The following PLXDC2 variants were observed in gnomAD, a reference collection of about 807,000 sequenced individuals.
PLXDC2 encodes plexin domain-containing protein 2.
In PLXDC2, 40 loss-of-function variants were observed where a neutral mutation model predicts 68.9. The ratio of observed to expected loss-of-function variants is 0.58; its 90% CI spans 0.45 to 0.76. PLXDC2 has a LOEUF of 0.76. Ranked by LOEUF, PLXDC2 falls within the 30% of genes least tolerant of loss-of-function variation. The probability of loss-of-function intolerance (pLI) is 0.00; values close to 1 mark genes in which losing one functional copy is unlikely to be tolerated. For synonymous variants in PLXDC2, 243 were observed against 234.2 expected, an observed-to-expected ratio of 1.04 and a Z score of -0.34; for missense variants, 644 against 661.9, an observed-to-expected ratio of 0.97 and a Z score of 0.30.
At chr10:20,132,565 CT>C (rs1833881292) in intron 4 of PLXDC2, among the ~76,000 whole-genome samples, 1 of 151,900 alleles carries the variant, frequency 6.6e-6, no homozygotes, top group South Asian at 2.1e-4. Context: ...ATTTTATGTC[CT>C]TTTGATGAAT....
chr10:19,846,173 A>G (rs144459280), intron 1 of PLXDC2, among the ~76,000 whole-genome samples: 1 of 152,322 alleles, frequency 6.6e-6, no homozygotes, highest in African/African-American at 2.4e-5. Flanking sequence ...CAACCACCCT[A>G]AAGAATAAAT....
chr10:19,882,251 C>A (rs1424919343), intron 1 of PLXDC2, among the ~76,000 whole-genome samples: 2 of 152,162 alleles, frequency 1.3e-5, no homozygotes, highest in African/African-American at 4.8e-5. Flanking sequence ...ATGTTTATTT[C>A]TGCCACTACT....
At chr10:20,244,397 G>A (rs556228813) in intron 12 of PLXDC2, among the ~76,000 whole-genome samples, 16 of 152,288 alleles carry the variant, frequency 1.1e-4, no homozygotes, top group African/African-American at 3.6e-4. Context: ...GTATTACAGT[G>A]GAAAGCATCT....
At chr10:19,850,637 C>T (rs374303969) in intron 1 of PLXDC2, among the ~76,000 whole-genome samples, 26 of 152,280 alleles carry the variant, frequency 1.7e-4, no homozygotes, top group Middle Eastern at 3.4e-3. Flanking sequence ...AAACAACCTG[C>T]ATTTAAATTA....
In PLXDC2 at chr10:20,284,330, T is replaced by TATATATATATATATATATATAC. The variant is rs1484131963; in HGVS notation, c.*4512_*4513insTATATATATATATATATATACA. Reference sequence around the variant, plus strand: ...AAATATACATATATATATATATATATACACACACACACACACACACACAAA... The same window carrying TATATATATATATATATATATAC: ...AAATATACATATATATATATATATATATATATATATATATATATATACACACACACACACACACACACACAAA... On this transcript the variant is annotated 3_prime_UTR_variant, in exon 14 of 14. Coordinates refer to ENST00000377252, the MANE Select transcript of PLXDC2 (RefSeq NM_032812.9). 4.8e-3 allele frequency: 603 copies of TATATATATATATATATATATAC among 126,164 alleles called. 3 individuals are homozygous for TATATATATATATATATATATAC. Among genetic ancestry groups the TATATATATATATATATATATAC allele is most frequent in the Non-Finnish European group, 6.1e-3 (363 of 59,550 alleles). 7.8% of individuals were successfully genotyped at this position (126,164 alleles called of 1,614,324 possible). A position where few individuals can be genotyped will look rare whatever the true frequency, so the allele number is the denominator to read the frequency against.
In PLXDC2 at chr10:19,897,226, TC is replaced by T. The variant is rs371930952; in HGVS notation, c.112+80036del. 2.8e-3 allele frequency among the ~76,000 whole-genome samples: 371 copies of T among 133,642 alleles called. 1 individual carries two copies. The highest frequency in any genetic ancestry group is 0.01 in the African/African-American group (349 of 33,782). 87.7% of individuals were successfully genotyped at this position (133,642 alleles called of 152,430 possible). On this transcript the variant is annotated intron_variant, in intron 1 of 13. Coordinates refer to ENST00000377252, the MANE Select transcript of PLXDC2 (RefSeq NM_032812.9). Reference sequence around the variant, plus strand: ...CCATGTCTCTTCCATGATTCCCTTCTCTTTTTTTTTTTGTTTTTTTTTGTTT... The same window carrying T: ...CCATGTCTCTTCCATGATTCCCTTCTTTTTTTTTTTTGTTTTTTTTTGTTT...
intron 1 of PLXDC2, among the ~76,000 whole-genome samples, chr10:19,942,938 A>C (rs1402981485): frequency 6.6e-6 from 1 of 152,230 alleles, no homozygotes; most frequent in Non-Finnish European, 1.5e-5. Context: ...GCTATTTGTA[A>C]TAACAAGGAG....
Position 20,147,851 on chromosome 10 carries a change from A to G in PLXDC2, c.732A>G (p.Thr244=). The change falls in exon 6 of 14, where the codon ACA becomes ACG. Residue 244 remains threonine (T), a synonymous_variant. Coordinates refer to ENST00000377252, the MANE Select transcript of PLXDC2 (RefSeq NM_032812.9). The part of the protein sequence containing the change: ...LQDNYNLGSF[T]FQATLLMDGR... Reference sequence around the variant, plus strand: ...ATAATTATAACCTGGGAAGCTTCACATTCCAGGCAACCCTGCTCATGGATG... The same window carrying G: ...ATAATTATAACCTGGGAAGCTTCACGTTCCAGGCAACCCTGCTCATGGATG... 6.2e-7 allele frequency: 1 copy of G among 1,613,512 alleles called. No individual in the cohort carries two copies. The highest frequency in any genetic ancestry group is 2.2e-5 in the East Asian group (1 of 44,834).
chr10:20,126,394 T>TGCATATATGTATATATA lies in PLXDC2; in HGVS notation c.542-16901_542-16900insGCATATATGTATATATA, dbSNP rs1564324966. Among the ~76,000 whole-genome samples, 4 of 144,372 alleles carry TGCATATATGTATATATA rather than the reference T, an allele frequency of 2.8e-5. 2 individuals carry two copies. The highest frequency in any genetic ancestry group is 1.0e-4 in the African/African-American group (4 of 39,682). The allele number at this position is 144,372 out of a possible 152,430, so 94.7% of individuals were successfully genotyped here. ...ACATATATACATATGTGTTATATAA[T>TGCATATATGTATATATA]ACATATATGTATATACAACACACGT... is the stretch of plus-strand genomic sequence containing the variant. On this transcript the variant is annotated intron_variant, in intron 4 of 13. Transcript: ENST00000377252.
chr10:20,131,367 A>G (rs961634054), intron 4 of PLXDC2, among the ~76,000 whole-genome samples: 3 of 151,948 alleles, frequency 2.0e-5, no homozygotes, highest in Admixed American at 2.0e-4. Flanking sequence ...TTATATTTAT[A>G]TGGTATCAAT....
Position 19,947,491 on chromosome 10 carries a change from A to T in PLXDC2, c.113-54284A>T, listed in dbSNP as rs1833921298. ...CCTTTTCCTGCTCACTGATGTTCTG[A>T]TAACAAAATATTTCCTTTCTCCAAA... On this transcript the variant is annotated intron_variant, in intron 1 of 13. Transcript: ENST00000377252. 2.0e-5 allele frequency among the ~76,000 whole-genome samples: 3 copies of T among 152,212 alleles called. No individual in the cohort carries two copies. In the East Asian group the frequency reaches 5.8e-4, roughly 29 times the overall value.
At chr10:20,244,621 A>C (rs1186391552) in intron 12 of PLXDC2, among the ~76,000 whole-genome samples, 2 of 152,236 alleles carry the variant, frequency 1.3e-5, no homozygotes. Flanking sequence ...AGCTTATCAA[A>C]AGATGTCCGA....
At chr10:20,149,653 T>C (rs1157877237) in intron 6 of PLXDC2, among the ~76,000 whole-genome samples, 1 of 152,204 alleles carries the variant, frequency 6.6e-6, no homozygotes, top group Non-Finnish European at 1.5e-5. Context: ...CTCCCACTTA[T>C]AAGTGAGAAC....
At chr10:20,018,058 C>T (rs953209720) in intron 2 of PLXDC2, among the ~76,000 whole-genome samples, 17 of 152,336 alleles carry the variant, frequency 1.1e-4, no homozygotes, top group African/African-American at 2.4e-4. Flanking sequence ...GACATCCGAA[C>T]GCTTACATAT....
intron 13 of PLXDC2, among the ~76,000 whole-genome samples, chr10:20,253,012 A>G (rs1835698829): frequency 6.6e-6 from 1 of 152,022 alleles, no homozygotes; most frequent in South Asian, 2.1e-4. Context: ...CTAGATACAG[A>G]TTAGTTAAAA....
chr10:20,077,312 A>G (rs1332887630), intron 4 of PLXDC2, among the ~76,000 whole-genome samples: 3 of 152,188 alleles, frequency 2.0e-5, no homozygotes, highest in African/African-American at 4.8e-5. Context: ...TCATTATTTC[A>G]TTACTACCTT....
chr10:20,140,267 C>A (rs1833984919), intron 4 of PLXDC2, among the ~76,000 whole-genome samples: 1 of 151,838 alleles, frequency 6.6e-6, no homozygotes, highest in African/African-American at 2.4e-5. Flanking sequence ...CCACTGCACT[C>A]CAGCCTGGGC....
intron 1 of PLXDC2, among the ~76,000 whole-genome samples, chr10:19,932,199 T>C (rs1817766286): frequency 6.6e-6 from 1 of 152,198 alleles, no homozygotes; most frequent in African/African-American, 2.4e-5. Context: ...ACCAGCTCAA[T>C]TGCTGGTGTT....
chr10:19,886,828 A>T (rs934922133), intron 1 of PLXDC2, among the ~76,000 whole-genome samples: 1 of 152,192 alleles, frequency 6.6e-6, no homozygotes, highest in Non-Finnish European at 1.5e-5. Context: ...AAAAGAAAAA[A>T]CTTAGAAGAG....
Sources: gnomAD v4.1 joint callset for allele counts (sites outside exome capture counted in the v4.1 genomes callset) on GRCh38, gnomAD v4.1.1 for gene constraint, MANE v1.5 for transcripts, NCBI Gene and HGNC (gene_info 2026-07-23, HGNC 2026-07-21) for gene names.